Variants in ITPK1 observed in about 807,000 individuals in gnomAD.
ITPK1 encodes the protein inositol-tetrakisphosphate 1-kinase.
Under a neutral mutation model 45.3 loss-of-function variants are expected in ITPK1, and 21 were observed. The ratio of observed to expected loss-of-function variants is 0.46; its 90% CI spans 0.33 to 0.67. The LOEUF (loss-of-function observed/expected upper bound fraction) is 0.67, where lower values mean the gene tolerates loss of function less well. Ranked by LOEUF, ITPK1 falls within the 30% of genes least tolerant of loss-of-function variation. The pLI, the probability that ITPK1 is intolerant of heterozygous loss-of-function variation, is 0.02. For missense variants in ITPK1, 474 were observed against 573.5 expected, an observed-to-expected ratio of 0.83 and a Z score of 1.77; for synonymous variants, 258 against 253.6, an observed-to-expected ratio of 1.02 and a Z score of -0.16.
At chr14:92,964,313 G>GTAT (rs1566701347) in intron 5 of ITPK1, among the ~76,000 whole-genome samples, 1 of 151,520 alleles carries the variant, frequency 6.6e-6, no homozygotes, top group Non-Finnish European at 1.5e-5. Context: ...CCAGAAACAG[G>GTAT]CCCCAAGGTC....
intron 5 of ITPK1, among the ~76,000 whole-genome samples, chr14:92,967,548 A>C (rs1303512996): frequency 1.2e-4 from 18 of 152,242 alleles, no homozygotes. Context: ...ATGATCCAGC[A>C]ATTCCACTTC....
intron 2 of ITPK1, among the ~76,000 whole-genome samples, chr14:93,112,364 A>T (rs1203282888): frequency 6.6e-6 from 1 of 151,882 alleles, no homozygotes; most frequent in Non-Finnish European, 1.5e-5. Context: ...ACAAGGCCGG[A>T]CATTCAGCTA....
chr14:92,956,960 C>G (rs887677027), intron 8 of ITPK1, among the ~76,000 whole-genome samples: 1 of 152,168 alleles, frequency 6.6e-6, no homozygotes, highest in Admixed American at 6.5e-5. Context: ...GGGAGCCACA[C>G]GCCCAGCTAG....
rs750048718 is a variant in ITPK1, at chr14:93,096,733, T to C, written c.95+18336A>G. Among the ~76,000 whole-genome samples, 7 of 152,196 alleles carry C rather than the reference T, an allele frequency of 4.6e-5. No individual in the cohort carries two copies. The East Asian group carries it at 7.7e-4, about 17-fold the overall frequency. Reference sequence around the variant, plus strand: ...CTCTCCCAGTTGGAATGTTCAAGAATGTAGGGGCTCGAATGTTCTAGAATG... The same window carrying C: ...CTCTCCCAGTTGGAATGTTCAAGAACGTAGGGGCTCGAATGTTCTAGAATG... On this transcript the variant is annotated intron_variant, in intron 2 of 10. Transcript: ENST00000267615.
intron 3 of ITPK1, among the ~76,000 whole-genome samples, chr14:93,057,152 A>C (rs1436836409): frequency 6.6e-6 from 1 of 152,218 alleles, no homozygotes; most frequent in Non-Finnish European, 1.5e-5. Context: ...TGCCCAGAGC[A>C]CAGTGACTCC....
intron 5 of ITPK1, among the ~76,000 whole-genome samples, chr14:92,981,460 C>T (rs1296202489): frequency 6.6e-6 from 1 of 152,136 alleles, no homozygotes; most frequent in East Asian, 1.9e-4. Flanking sequence ...AGAGCCGCTC[C>T]AAATACCACC....
chr14:93,104,922 C>T (rs1440677101), intron 2 of ITPK1, among the ~76,000 whole-genome samples: 2 of 152,128 alleles, frequency 1.3e-5, no homozygotes, highest in Non-Finnish European at 2.9e-5. Context: ...GGGTTTGCAG[C>T]GTAAACTGCT....
At chr14:93,114,945 C>T (rs1297817488) in intron 2 of ITPK1, 124 bp downstream of exon 2, 5 of 529,312 alleles carry the variant, frequency 9.4e-6, no homozygotes, top group Non-Finnish European at 1.6e-5. Flanking sequence ...TCTCCCCGCG[C>T]GCCGCTTCTT....
chr14:92,965,524 G>C (rs574759940), intron 5 of ITPK1, among the ~76,000 whole-genome samples: 48 of 152,182 alleles, frequency 3.2e-4, no homozygotes, highest in Non-Finnish European at 6.0e-4. Context: ...ACAGCATACA[G>C]AGTGGAAGGG....
rs937520047 is a variant in ITPK1, at chr14:93,063,680, C to A, written c.120+12915G>T. Among the ~76,000 whole-genome samples, 1 of 152,152 alleles carries A rather than the reference C, an allele frequency of 6.6e-6. No individual in the cohort carries two copies. The highest frequency in any genetic ancestry group is 1.5e-5 in the Non-Finnish European group (1 of 68,042). On this transcript the variant is annotated intron_variant, in intron 3 of 10. Coordinates refer to ENST00000267615, the MANE Select transcript of ITPK1 (RefSeq NM_014216.6). The surrounding 1 kb of genome is among the most constrained non-coding windows in gnomAD (Gnocchi z 4.3). ...GGACTCTCACCAGGCAGGCAGTCTT[C>A]GGAGCAGAAGAGGCACTGGCTATGC...
Position 93,036,012 on chromosome 14 carries a change from T to C in ITPK1, c.121-19211A>G, listed in dbSNP as rs1889300930. 6.6e-6 allele frequency among the ~76,000 whole-genome samples: 1 copy of C among 152,174 alleles called. No homozygotes were observed. Among genetic ancestry groups the C allele is most frequent in the Non-Finnish European group, 1.5e-5 (1 of 68,008 alleles). ...TGATGACTAATTTGAATTGTTCTAA[T>C]TCCTGAGGAGCATCCTCAGAGTTTG... On this transcript the variant is annotated intron_variant, in intron 3 of 10. Coordinates refer to ENST00000267615, the MANE Select transcript of ITPK1 (RefSeq NM_014216.6). This position sits in a 1 kb window ranked among gnomAD's most constrained non-coding sequence, Gnocchi z 4.1.
chr14:93,085,767 T>C (rs1029699685), intron 2 of ITPK1, among the ~76,000 whole-genome samples: 2 of 152,248 alleles, frequency 1.3e-5, no homozygotes, highest in African/African-American at 2.4e-5. Context: ...ATTCCCTTAA[T>C]GGCTCTCGAC....
rs1237268663 is a variant in ITPK1, at chr14:93,076,079, A to ATCCATCCTTCCTTCTCCC, written c.120+498_120+515dup. On this transcript the variant is annotated intron_variant, in intron 3 of 10. Transcript: ENST00000267615. This position sits in a 1 kb window ranked among gnomAD's most constrained non-coding sequence, Gnocchi z 4.3. The stretch of plus-strand genomic sequence containing the variant: ...CATCCTTCTATCCTTCCTCCCCTCC[A>ATCCATCCTTCCTTCTCCC]TCCATCCTTCCTTCTCCCTCCATCC... 3.7e-4 allele frequency among the ~76,000 whole-genome samples: 53 copies of ATCCATCCTTCCTTCTCCC among 144,592 alleles called. No homozygotes were observed. The highest frequency in any genetic ancestry group is 3.5e-3 in the Middle Eastern group (1 of 284). The allele number at this position is 144,592 out of a possible 152,430, so 94.9% of individuals were successfully genotyped here. A position where few individuals can be genotyped will look rare whatever the true frequency, so the allele number is the denominator to read the frequency against.
At chr14:93,081,393 T>C (rs1891429465) in intron 2 of ITPK1, among the ~76,000 whole-genome samples, 1 of 152,076 alleles carries the variant, frequency 6.6e-6, no homozygotes, top group Admixed American at 6.5e-5. Context: ...TGTCATTGTA[T>C]TGATAAATAT....
chr14:92,959,180 C>A (rs1884917720), intron 7 of ITPK1, among the ~76,000 whole-genome samples: 1 of 152,196 alleles, frequency 6.6e-6, no homozygotes, highest in South Asian at 2.1e-4. Flanking sequence ...TCAGCCCCGG[C>A]CAGCACGGGC....
In ITPK1 at chr14:93,016,646, A is replaced by C; in HGVS notation, c.246+30T>G. On this transcript the variant is annotated intron_variant, in intron 4 of 10. Coordinates refer to ENST00000267615, the MANE Select transcript of ITPK1 (RefSeq NM_014216.6). This position sits in a 1 kb window ranked among gnomAD's most constrained non-coding sequence, Gnocchi z 5.0. ...CTCCCCTCCTCCTCCTGAAAATGCCACAGCCAAGGGCTGCATGGTCCTCAC... is the reference window on the plus strand; with the variant it reads ...CTCCCCTCCTCCTCCTGAAAATGCCCCAGCCAAGGGCTGCATGGTCCTCAC... The C allele has an allele frequency of 6.2e-7, 1 of 1,606,352 alleles. No homozygotes were observed. The highest frequency in any genetic ancestry group is 8.5e-7 in the Non-Finnish European group (1 of 1,174,214).
intron 5 of ITPK1, among the ~76,000 whole-genome samples, chr14:92,971,986 C>T (rs571268166): frequency 6.6e-6 from 1 of 152,300 alleles, no homozygotes; most frequent in East Asian, 1.9e-4. Context: ...GCACCGCGAC[C>T]TCTTCCCAGC....
At chr14:93,044,837 T>C (rs1417011828) in intron 3 of ITPK1, among the ~76,000 whole-genome samples, 1 of 152,188 alleles carries the variant, frequency 6.6e-6, no homozygotes, top group East Asian at 1.9e-4. Context: ...CGTGACGGAC[T>C]AGCGTGGGCC....
At chr14:92,993,345 AG>A (rs1229902668) in intron 5 of ITPK1, among the ~76,000 whole-genome samples, 2 of 152,134 alleles carry the variant, frequency 1.3e-5, no homozygotes, top group East Asian at 3.9e-4. Flanking sequence ...TGCCTGCCCA[AG>A]GGGTGGGGAG....
Sources: allele counts gnomAD v4.1 joint callset (sites outside exome capture counted in the v4.1 genomes callset), GRCh38; gene constraint gnomAD v4.1.1; non-coding constraint Gnocchi (gnomAD v3.1); transcripts MANE v1.5; gene names NCBI Gene and HGNC (gene_info 2026-07-23, HGNC 2026-07-21).